The following BMP5 variants were observed in gnomAD, a reference collection of about 807,000 sequenced individuals.
BMP5 encodes bone morphogenetic protein 5.
BMP5 carries 23 observed loss-of-function variants against 46.6 expected under a neutral mutation model. The ratio of observed to expected loss-of-function variants is 0.49; its 90% CI spans 0.35 to 0.70. The LOEUF (loss-of-function observed/expected upper bound fraction) is 0.70, where lower values mean the gene tolerates loss of function less well. Among genes scored for constraint, BMP5 ranks in the 30% least tolerant of loss-of-function variants. BMP5 has a pLI of 0.00. For synonymous variants in BMP5, 204 were observed against 191.9 expected (o/e 1.06, Z -0.52); for missense variants, 545 against 565.6 (o/e 0.96, Z 0.37).
At chr6:55,839,937 C>T (rs1776909897) in intron 1 of BMP5, among the ~76,000 whole-genome samples, 1 of 151,968 alleles carries the variant, frequency 6.6e-6, no homozygotes, top group South Asian at 2.1e-4. Context: ...TCAATATATA[C>T]TTTAGACACG....
At chr6:55,850,403 T>TAG (rs1562070015) in intron 1 of BMP5, among the ~76,000 whole-genome samples, 1 of 150,530 alleles carries the variant, frequency 6.6e-6, no homozygotes, top group African/African-American at 2.5e-5. Flanking sequence ...GATCGATAGA[T>TAG]ATAGATAGAT....
chr6:55,768,053 C>T (rs933148923), intron 4 of BMP5, among the ~76,000 whole-genome samples: 39 of 151,778 alleles, frequency 2.6e-4, no homozygotes, highest in African/African-American at 8.9e-4. Context: ...CAAGGGAGAA[C>T]TTTAGCTTTA....
At chr6:55,795,826 T>C (rs1775698275) in intron 2 of BMP5, among the ~76,000 whole-genome samples, 1 of 152,166 alleles carries the variant, frequency 6.6e-6, no homozygotes. Flanking sequence ...AAACGCTTGC[T>C]TTTTTCACAT....
chr6:55,761,043 C>T (rs1453945099), intron 4 of BMP5, among the ~76,000 whole-genome samples: 1 of 152,006 alleles, frequency 6.6e-6, no homozygotes, highest in African/African-American at 2.4e-5. Flanking sequence ...CCCCCAAAAT[C>T]CTGTCCACCT....
intron 1 of BMP5, among the ~76,000 whole-genome samples, chr6:55,841,697 C>T (rs1776962798): frequency 6.6e-6 from 1 of 152,184 alleles, no homozygotes; most frequent in Non-Finnish European, 1.5e-5. Context: ...TCTGTGCATA[C>T]ACACCCCCTG....
intron 1 of BMP5, among the ~76,000 whole-genome samples, chr6:55,868,107 G>C (rs1777693186): frequency 6.6e-6 from 1 of 152,124 alleles, no homozygotes; most frequent in Admixed American, 6.6e-5. Flanking sequence ...TGTCATTATA[G>C]CATTAAAATA....
rs1018433762 is a variant in BMP5, at chr6:55,760,450, T to C, written c.1104+7A>G. ...AAGAAGCACCAAAGTTGACTGAAAA[T>C]TCCTACCTGCCATCCCAGATCCCGG... On this transcript the variant is annotated splice_region_variant and intron_variant, in intron 5 of 6. Coordinates refer to ENST00000370830, the MANE Select transcript of BMP5 (RefSeq NM_021073.4). 3.1e-6 allele frequency: 5 copies of C among 1,612,542 alleles called. No homozygotes were observed. In the African/African-American group the frequency reaches 6.7e-5, roughly 22 times the overall value.
At chr6:55,845,146 C>T (rs1206593923) in intron 1 of BMP5, among the ~76,000 whole-genome samples, 2 of 152,022 alleles carry the variant, frequency 1.3e-5, no homozygotes, top group Non-Finnish European at 2.9e-5. Flanking sequence ...TTACATGGCA[C>T]ATGTGCATAA....
chr6:55,794,222 T>G, intron 3 of BMP5, 57 bp downstream of exon 3: 1 of 1,586,792 alleles, frequency 6.3e-7, no homozygotes, highest in African/African-American at 1.3e-5. Context: ...TAAAAAACGA[T>G]AACTCTCAAT....
chr6:55,818,681 A>C (rs923953499), intron 2 of BMP5, among the ~76,000 whole-genome samples: 4 of 152,326 alleles, frequency 2.6e-5, no homozygotes, highest in African/African-American at 7.2e-5. Flanking sequence ...ATTGCAAGGC[A>C]CTATTGCGAA....
intron 2 of BMP5, among the ~76,000 whole-genome samples, chr6:55,799,215 A>G (rs1179839812): frequency 1.3e-5 from 2 of 152,192 alleles, no homozygotes; most frequent in Non-Finnish European, 2.9e-5. Flanking sequence ...CTATCTGGTT[A>G]AGAGGTAAAT....
intron 2 of BMP5, among the ~76,000 whole-genome samples, chr6:55,804,162 A>T (rs1238089333): frequency 6.6e-6 from 1 of 152,238 alleles, no homozygotes; most frequent in Non-Finnish European, 1.5e-5. Flanking sequence ...ATACTTGTGA[A>T]TGTGATCTTA....
rs79002607 is a variant in BMP5, at chr6:55,800,362, T to A, written c.684-5935A>T. Among the ~76,000 whole-genome samples, 1,119 of 152,316 alleles carry A rather than the reference T, an allele frequency of 7.3e-3. 13 individuals carry two copies. Among genetic ancestry groups the A allele is most frequent in the African/African-American group, 0.025 (1,049 of 41,562 alleles). ...ATATGTATGCGAAATATTAACAAAC[T>A]ATTATAGTTTTGTCTATTTTAAGTG... On this transcript the variant is annotated intron_variant, in intron 2 of 6. Coordinates refer to ENST00000370830, the MANE Select transcript of BMP5 (RefSeq NM_021073.4).
Position 55,764,955 on chromosome 6 carries a change from AG to A in BMP5, c.1028-4423del, listed in dbSNP as rs147074928. On this transcript the variant is annotated intron_variant, in intron 4 of 6. Coordinates refer to ENST00000370830, the MANE Select transcript of BMP5 (RefSeq NM_021073.4). ...TTCAAAATAACTAGAAGACAAGATT[AG>A]GAATGTTCCCAATGTAAAGAAATGA... Among the ~76,000 whole-genome samples, 151 of 152,328 alleles carry A rather than the reference AG, an allele frequency of 9.9e-4. 1 individual carries two copies. The East Asian group carries it at 0.014, about 14-fold the overall frequency.
In BMP5 at chr6:55,844,659, A is replaced by T. The variant is rs181842423; in HGVS notation, c.491-24812T>A. On this transcript the variant is annotated intron_variant, in intron 1 of 6. Coordinates refer to ENST00000370830, the MANE Select transcript of BMP5 (RefSeq NM_021073.4). ...AATAATAGGAATACCAATGCTTTTT[A>T]TTAAAATTTTTATAAATCACATTAT... Among the ~76,000 whole-genome samples the T allele has an allele frequency of 5.7e-3, 870 of 152,042 alleles. 8 individuals are homozygous for T. The highest frequency in any genetic ancestry group is 0.02 in the African/African-American group (844 of 41,578).
chr6:55,866,846 T>C (rs191271116), intron 1 of BMP5, among the ~76,000 whole-genome samples: 2 of 152,300 alleles, frequency 1.3e-5, no homozygotes, highest in East Asian at 1.9e-4. Flanking sequence ...TTTACCACTT[T>C]ATTTCACCAA....
At chr6:55,799,195 C>T (rs1775786108) in intron 2 of BMP5, among the ~76,000 whole-genome samples, 1 of 152,106 alleles carries the variant, frequency 6.6e-6, no homozygotes, top group Non-Finnish European at 1.5e-5. Context: ...AAGTGCAATA[C>T]TTTGAATATC....
chr6:55,865,821 A>G (rs1777628252), intron 1 of BMP5, among the ~76,000 whole-genome samples: 1 of 152,112 alleles, frequency 6.6e-6, no homozygotes, highest in South Asian at 2.1e-4. Context: ...CTTAACTCCA[A>G]TTCTGTATTA....
intron 3 of BMP5, among the ~76,000 whole-genome samples, chr6:55,783,641 A>G (rs1775378718): frequency 6.6e-6 from 1 of 152,104 alleles, no homozygotes; most frequent in African/African-American, 2.4e-5. Flanking sequence ...ACCCTAGTGT[A>G]TGATGACAAT....
Sources: allele counts gnomAD v4.1 joint callset (sites outside exome capture counted in the v4.1 genomes callset), GRCh38; gene constraint gnomAD v4.1.1; transcripts MANE v1.5; gene names NCBI Gene and HGNC (gene_info 2026-07-23, HGNC 2026-07-21).